C9: variants seen among roughly 807,000 people sequenced by gnomAD.
The protein encoded by C9 is complement C9.
In C9, 63 loss-of-function variants were observed where a neutral mutation model predicts 65.4. The observed-to-expected ratio is 0.96, with a 90% CI of 0.79 to 1.19. The LOEUF is 1.19. C9 is among the 50% of genes most tolerant of loss of function. The pLI, the probability that C9 is intolerant of heterozygous loss-of-function variation, is 0.00. For missense variants in C9, 744 were observed against 670.1 expected (o/e 1.11, Z -1.22); for synonymous variants, 229 against 227.9 (o/e 1.00, Z -0.04).
intron 4 of C9, among the ~76,000 whole-genome samples, chr5:39,333,961 G>A (rs1434251102): frequency 3.9e-5 from 6 of 152,002 alleles, no homozygotes; most frequent in African/African-American, 1.2e-4. Flanking sequence ...TCGGCTCGCT[G>A]CAGCCTCCAC....
intron 5 of C9, among the ~76,000 whole-genome samples, chr5:39,330,626 C>T (rs1753822657): frequency 6.6e-6 from 1 of 152,150 alleles, no homozygotes; most frequent in South Asian, 2.1e-4. Flanking sequence ...TGTCATCTTT[C>T]CATCACAAAA....
intron 9 of C9, among the ~76,000 whole-genome samples, chr5:39,296,825 G>A (rs1051558608): frequency 6.6e-6 from 1 of 151,422 alleles, no homozygotes; most frequent in African/African-American, 2.4e-5. Flanking sequence ...AGTGAAATAA[G>A]CCAGAAAGAG....
At chr5:39,320,807 C>A (rs1414858037) in intron 5 of C9, among the ~76,000 whole-genome samples, 1 of 152,096 alleles carries the variant, frequency 6.6e-6, no homozygotes, top group Non-Finnish European at 1.5e-5. Flanking sequence ...TATGAGGGAG[C>A]TCACATAAGA....
At chr5:39,289,634 G>A (rs1753053592) in intron 9 of C9, among the ~76,000 whole-genome samples, 1 of 151,788 alleles carries the variant, frequency 6.6e-6, no homozygotes, top group Admixed American at 6.6e-5. Context: ...CCTATGGGGT[G>A]CCTTGAGGAA....
chr5:39,347,760 C>T (rs1754236070), intron 1 of C9, among the ~76,000 whole-genome samples: 1 of 152,144 alleles, frequency 6.6e-6, no homozygotes, highest in South Asian at 2.1e-4. Context: ...TGCTACCTGA[C>T]TTCAAACTGT....
intron 9 of C9, among the ~76,000 whole-genome samples, chr5:39,296,866 TG>T (rs2111854314): frequency 6.6e-6 from 1 of 151,084 alleles, no homozygotes; most frequent in South Asian, 2.1e-4. Flanking sequence ...TTCTCTTATA[TG>T]TGGAAGCTAA....
intron 6 of C9, among the ~76,000 whole-genome samples, chr5:39,313,441 C>T (rs1753521076): frequency 6.6e-6 from 1 of 152,140 alleles, no homozygotes; most frequent in South Asian, 2.1e-4. Flanking sequence ...GTTCATCACT[C>T]TCTTCTTCTT....
At chr5:39,345,329 T>C (rs1233625000) in intron 1 of C9, among the ~76,000 whole-genome samples, 8 of 152,050 alleles carry the variant, frequency 5.3e-5, no homozygotes, top group African/African-American at 1.4e-4. Context: ...TGGAGGAAGA[T>C]CTACCAAGCA....
intron 4 of C9, 76 bp downstream of exon 4, chr5:39,341,070 C>T (rs1754067448): frequency 2.7e-6 from 4 of 1,496,930 alleles, no homozygotes; most frequent in South Asian, 2.3e-5. Context: ...AATGCTTCTA[C>T]CAGTCTATCA....
Position 39,311,202 on chromosome 5 carries a change from G to C in C9, c.1046C>G (p.Ser349Cys). 1 of 1,613,064 alleles carries C rather than the reference G, an allele frequency of 6.2e-7. No homozygotes were observed. Among genetic ancestry groups the C allele is most frequent in the South Asian group, 1.1e-5 (1 of 91,060 alleles). ...TTCATAGAGTCCTCCTAGAGACCCA[G>C]AGCTACTGTAGTGAGTTCCATAGGT... ...LETYGTHYSS[S>C]GSLGGLYELI... Residue 349 changes from serine to cysteine, a missense_variant, in exon 7 of 11, where the codon TCT becomes TGT. By Grantham distance (112) the Ser-to-Cys change is moderately radical. Coordinates refer to ENST00000263408, the MANE Select transcript of C9 (RefSeq NM_001737.5).
chr5:39,345,971 A>G (rs977298137), intron 1 of C9, among the ~76,000 whole-genome samples: 11 of 152,220 alleles, frequency 7.2e-5, no homozygotes, highest in Non-Finnish European at 7.3e-5. Context: ...TTTGAAACCA[A>G]TGAGAACAAA....
chr5:39,339,638 C>A, intron 4 of C9, among the ~76,000 whole-genome samples: 1 of 143,744 alleles, frequency 7.0e-6, no homozygotes, highest in Admixed American at 7.0e-5. Context: ...TCTCCAGATA[C>A]TGTCTTTTCT....
In C9 at chr5:39,306,627, A is replaced by T; in HGVS notation, c.1406T>A (p.Ile469Asn). Residue 469 changes from isoleucine to asparagine, a missense_variant, in exon 9 of 11, where the codon ATT becomes AAT. Coordinates refer to ENST00000263408, the MANE Select transcript of C9 (RefSeq NM_001737.5). ...AAACACGTTTCTTACTTTTTGACTA[A>T]TGAGAACAGGAGCATCATTTATGGA... ...ASSINDAPVL[I>N]SQKLSPIYNL... 6.2e-7 allele frequency: 1 copy of T among 1,612,854 alleles called. No individual in the cohort carries two copies. Among genetic ancestry groups the T allele is most frequent in the African/African-American group, 1.3e-5 (1 of 75,022 alleles).
At chr5:39,309,640 A>G (rs1328332484) in intron 7 of C9, among the ~76,000 whole-genome samples, 1 of 152,200 alleles carries the variant, frequency 6.6e-6, no homozygotes, top group African/African-American at 2.4e-5. Flanking sequence ...AAGGGCTCAG[A>G]TTCTCTGCCT....
Position 39,295,108 on chromosome 5 carries a change from C to T in C9, c.1417-6157G>A, listed in dbSNP as rs911852400. Reference sequence around the variant, plus strand: ...TGACAAACCCACAGCCAACATAATACTGAATGAGAAAAAGCAGAAAGCTCT... The same window carrying T: ...TGACAAACCCACAGCCAACATAATATTGAATGAGAAAAAGCAGAAAGCTCT... On this transcript the variant is annotated intron_variant, in intron 9 of 10. Coordinates refer to ENST00000263408, the MANE Select transcript of C9 (RefSeq NM_001737.5). 5.3e-5 allele frequency among the ~76,000 whole-genome samples: 8 copies of T among 151,822 alleles called. No homozygotes were observed. The East Asian group carries it at 1.2e-3, about 22-fold the overall frequency.
rs575372950 is a variant in C9, at chr5:39,298,210, C to A, written c.1416+8407G>T. On this transcript the variant is annotated intron_variant, in intron 9 of 10. Coordinates refer to ENST00000263408, the MANE Select transcript of C9 (RefSeq NM_001737.5). ...TACAGCACAAAATACCTATATTAGA[C>A]AAGAAAAAAATATCTAAAATCAATA... Among the ~76,000 whole-genome samples, 4 of 150,376 alleles carry A rather than the reference C, an allele frequency of 2.7e-5. No homozygotes were observed. In the East Asian group the frequency reaches 5.9e-4, roughly 22 times the overall value.
intron 9 of C9, among the ~76,000 whole-genome samples, chr5:39,304,158 T>C (rs1265621542): frequency 6.6e-6 from 1 of 152,124 alleles, no homozygotes; most frequent in African/African-American, 2.4e-5. Flanking sequence ...TTACAGGTCA[T>C]TTTGGTTAAG....
chr5:39,358,841 C>T (rs945488268), intron 1 of C9, among the ~76,000 whole-genome samples: 211 of 151,166 alleles, frequency 1.4e-3, no homozygotes, highest in African/African-American at 4.7e-3. Context: ...AAAAATTAGC[C>T]GGGCGTGGTG....
At chr5:39,345,613 G>C (rs1257910399) in intron 1 of C9, among the ~76,000 whole-genome samples, 1 of 152,102 alleles carries the variant, frequency 6.6e-6, no homozygotes, top group Admixed American at 6.5e-5. Context: ...AGACAGATCA[G>C]TGAGACAGAA....
Sources: gnomAD v4.1 joint callset for allele counts (sites outside exome capture counted in the v4.1 genomes callset) on GRCh38, gnomAD v4.1.1 for gene constraint, MANE v1.5 for transcripts, NCBI Gene and HGNC (gene_info 2026-07-23, HGNC 2026-07-21) for gene names.